The following ANXA4 variants were observed in gnomAD, a reference collection of about 807,000 sequenced individuals.
The protein encoded by ANXA4 is 35-beta calcimedin.
In ANXA4, 39 loss-of-function variants were observed where a neutral mutation model predicts 49.8. The ratio of observed to expected loss-of-function variants is 0.78; its 90% CI spans 0.61 to 1.02. ANXA4 has a LOEUF of 1.02. Among genes scored for constraint, ANXA4 ranks in the 50% least tolerant of loss-of-function variants. The probability of loss-of-function intolerance (pLI) is 0.00; values close to 1 mark genes in which losing one functional copy is unlikely to be tolerated. For missense variants in ANXA4, 360 were observed against 410.1 expected, an observed-to-expected ratio of 0.88 and a Z score of 1.05; for synonymous variants, 134 against 152.5, an observed-to-expected ratio of 0.88 and a Z score of 0.89.
At chr2:69,731,972 TTTTC>T (rs1178979624) in intron 3 of ANXA4, among the ~76,000 whole-genome samples, 3 of 130,126 alleles carry the variant, frequency 2.3e-5, no homozygotes, top group Admixed American at 8.5e-5. Context: ...TTACATTTTC[TTTTC>T]TTTCTTTTTT....
rs13411904 is a variant in ANXA4, at chr2:69,684,415, A to G, written n.766+31133A>G. Among the ~76,000 whole-genome samples the G allele has an allele frequency of 3.5e-3, 536 of 152,312 alleles. 4 individuals carry two copies. Among genetic ancestry groups the G allele is most frequent in the African/African-American group, 0.012 (513 of 41,564 alleles). Reference sequence around the variant, plus strand: ...ATGTGATGGATATAATTTGGGTGTTACAGTCTTTGTAGTAAAGTTTGAGGA... The same window carrying G: ...ATGTGATGGATATAATTTGGGTGTTGCAGTCTTTGTAGTAAAGTTTGAGGA... On this transcript the variant is annotated intron_variant and non_coding_transcript_variant, in intron 2 of 3. Coordinates refer to the ANXA4 transcript ENST00000418066.
intron 9 of ANXA4, 98 bp from the exon 10 acceptor site, chr2:69,818,501 T>C: frequency 4.4e-6 from 3 of 685,586 alleles, no homozygotes; most frequent in Non-Finnish European, 7.2e-6. Context: ...TGCCAAAGAA[T>C]AAATAGTGTA....
At chr2:69,669,994 A>G (rs918973289) in intron 2 of ANXA4, among the ~76,000 whole-genome samples, 3 of 152,206 alleles carry the variant, frequency 2.0e-5, no homozygotes, top group African/African-American at 7.2e-5. Flanking sequence ...GATCATTACT[A>G]GTGATATTCC....
In ANXA4 at chr2:69,825,765, A is replaced by G. The variant is rs1360488996; in HGVS notation, c.*250A>G. On this transcript the variant is annotated 3_prime_UTR_variant, in exon 13 of 13. Transcript: ENST00000394295. ...GATTTTAAAGTAGAAATAAATATGT[A>G]TTCCATGTTTTTAAAAGATTACTTT... 2.9e-6 allele frequency: 1 copy of G among 341,208 alleles called. No individual in the cohort carries two copies. Among genetic ancestry groups the G allele is most frequent in the Non-Finnish European group, 5.2e-6 (1 of 190,956 alleles). The allele number at this position is 341,208 out of a possible 1,614,324, so 21.1% of individuals were successfully genotyped here.
chr2:69,792,309 G>A (rs548436692), intron 3 of ANXA4, among the ~76,000 whole-genome samples: 10 of 152,280 alleles, frequency 6.6e-5, no homozygotes, highest in South Asian at 2.1e-4. Flanking sequence ...TGAAAATCCC[G>A]TGTTAAGAGA....
intron 3 of ANXA4, among the ~76,000 whole-genome samples, chr2:69,729,416 T>C (rs1019000292): frequency 2.6e-5 from 4 of 152,366 alleles, no homozygotes; most frequent in Non-Finnish European, 5.9e-5. Context: ...AAAACATGAC[T>C]ACACGAGAAG....
chr2:69,688,359 T>C (rs1677861943), intron 2 of ANXA4, among the ~76,000 whole-genome samples: 1 of 152,212 alleles, frequency 6.6e-6, no homozygotes, highest in Non-Finnish European at 1.5e-5. Context: ...TGATTTTGTT[T>C]TATAGGGATT....
rs180908345 is a variant in ANXA4, at chr2:69,800,718, G to T, written c.98-3815G>T. 1.8e-4 allele frequency among the ~76,000 whole-genome samples: 27 copies of T among 152,284 alleles called. No individual in the cohort carries two copies. The East Asian group carries it at 5.2e-3, about 29-fold the overall frequency. On this transcript the variant is annotated intron_variant, in intron 3 of 12. Transcript: ENST00000394295. ...CAAGGTGTTTCAGGTGAATGGAATG[G>T]CATGTGCGGAGGTCTAGGGGAGTCA...
At chr2:69,698,201 A>G (rs769213446) in intron 2 of ANXA4, among the ~76,000 whole-genome samples, 4 of 152,134 alleles carry the variant, frequency 2.6e-5, no homozygotes, top group Non-Finnish European at 5.9e-5. Flanking sequence ...TACGAGCACT[A>G]ATCTCATTCA....
chr2:69,658,515 G>C (rs4286306), intron 2 of ANXA4, among the ~76,000 whole-genome samples: 59,462 of 151,758 alleles, frequency 0.39, 13,179 homozygotes, highest in East Asian at 0.77. Flanking sequence ...ACAGTTTCAC[G>C]AAGATTTAAC....
intron 2 of ANXA4, among the ~76,000 whole-genome samples, chr2:69,703,854 A>G (rs1251053087): frequency 6.6e-6 from 1 of 152,158 alleles, no homozygotes; most frequent in East Asian, 1.9e-4. Flanking sequence ...GAGTCTTACT[A>G]CGTTGCTCAG....
chr2:69,649,203 C>G (rs1368223440), intron 1 of ANXA4, among the ~76,000 whole-genome samples: 2 of 152,082 alleles, frequency 1.3e-5, no homozygotes, highest in Non-Finnish European at 2.9e-5. Flanking sequence ...CTCTTTTAAA[C>G]TGAGCCTTGT....
intron 8 of ANXA4, among the ~76,000 whole-genome samples, chr2:69,814,136 T>C (rs1673845263): frequency 6.6e-6 from 1 of 151,428 alleles, no homozygotes; most frequent in Non-Finnish European, 1.5e-5. Flanking sequence ...TGAACAACTT[T>C]GTTTTATGCA....
intron 2 of ANXA4, among the ~76,000 whole-genome samples, chr2:69,720,455 G>A (rs751529038): frequency 2.6e-5 from 4 of 152,164 alleles, no homozygotes; most frequent in Non-Finnish European, 5.9e-5. Flanking sequence ...ACGGTGGGGA[G>A]GAGCAGAGGC....
intron 2 of ANXA4, among the ~76,000 whole-genome samples, chr2:69,694,361 A>C (rs954933376): frequency 2.9e-5 from 4 of 138,146 alleles, no homozygotes; most frequent in African/African-American, 1.0e-4. Flanking sequence ...TAAACAATAC[A>C]TTTCTTTTTT....
At chr2:69,682,128 A>G (rs1677620064) in intron 2 of ANXA4, among the ~76,000 whole-genome samples, 2 of 152,160 alleles carry the variant, frequency 1.3e-5, no homozygotes, top group African/African-American at 4.8e-5. Flanking sequence ...CTGGGACTAC[A>G]GGAGTGAGCC....
intron 2 of ANXA4, 121 bp downstream of exon 2, chr2:69,781,695 C>T (rs1672206631): frequency 1.7e-6 from 2 of 1,150,962 alleles, no homozygotes; most frequent in Admixed American, 1.9e-5. Context: ...AGGAGGAGGA[C>T]ATGAAAAGGC....
intron 2 of ANXA4, among the ~76,000 whole-genome samples, chr2:69,682,297 T>TC: frequency 6.6e-6 from 1 of 152,334 alleles, no homozygotes; most frequent in East Asian, 1.9e-4. Flanking sequence ...ACGTTCTATG[T>TC]CAATTTCCAT....
chr2:69,720,642 A>C (rs1669790877), intron 2 of ANXA4: 1 of 152,254 alleles, frequency 6.6e-6, no homozygotes, highest in South Asian at 2.1e-4. Context: ...AATATGGGAA[A>C]TTGACCAGAG....
Sources: gnomAD v4.1 joint callset for allele counts (sites outside exome capture counted in the v4.1 genomes callset) on GRCh38, gnomAD v4.1.1 for gene constraint, MANE v1.5 for transcripts, NCBI Gene and HGNC (gene_info 2026-07-23, HGNC 2026-07-21) for gene names.